Variants in FBXL7 observed in about 807,000 individuals in gnomAD.
FBXL7 encodes the protein F-box and leucine rich repeat protein 7.
In FBXL7, 12 loss-of-function variants were observed where a neutral mutation model predicts 38.3. That is an observed-to-expected ratio of 0.31 (90% CI 0.20 to 0.51). The LOEUF (loss-of-function observed/expected upper bound fraction) is 0.51, where lower values mean the gene tolerates loss of function less well. FBXL7 is among the 20% of genes least tolerant of loss of function. FBXL7 has a pLI of 0.98. For missense variants in FBXL7, 567 were observed against 676.4 expected, an observed-to-expected ratio of 0.84 and a Z score of 1.79; for synonymous variants, 297 against 300.9, an observed-to-expected ratio of 0.99 and a Z score of 0.13.
At chr5:15,885,248 T>C (rs978738943) in intron 2 of FBXL7, among the ~76,000 whole-genome samples, 4 of 152,214 alleles carry the variant, frequency 2.6e-5, no homozygotes, top group African/African-American at 9.6e-5. Context: ...TTTCACCATG[T>C]ATGCCTCTCC....
chr5:15,695,938 G>A (rs377261720), intron 2 of FBXL7, among the ~76,000 whole-genome samples: 32 of 152,246 alleles, frequency 2.1e-4, no homozygotes, highest in East Asian at 3.9e-4. Flanking sequence ...CCAGGTGTAC[G>A]TTCCTCCTTT....
At chr5:15,626,947 A>G (rs1034428010) in intron 2 of FBXL7, among the ~76,000 whole-genome samples, 1 of 152,194 alleles carries the variant, frequency 6.6e-6, no homozygotes, top group Non-Finnish European at 1.5e-5. Context: ...AGAGCTCACA[A>G]TATGTCAGTC....
At chr5:15,810,987 T>C (rs1311457893) in intron 2 of FBXL7, among the ~76,000 whole-genome samples, 1 of 152,188 alleles carries the variant, frequency 6.6e-6, no homozygotes, top group Non-Finnish European at 1.5e-5. Flanking sequence ...AACACACAAA[T>C]TGATGCTTGA....
In FBXL7 at chr5:15,522,651, T is replaced by C. The variant is rs16903900; in HGVS notation, c.37+21938T>C. ...CTGATTGCTGCTGGCTGTGTTGCAT[T>C]GATCTCTTCAACAAAAGCAATCTGC... On this transcript the variant is annotated intron_variant, in intron 1 of 3. Transcript: ENST00000504595. Among the ~76,000 whole-genome samples the C allele has an allele frequency of 6.2e-3, 943 of 152,320 alleles. 13 individuals carry two copies. The highest frequency in any genetic ancestry group is 0.021 in the African/African-American group (890 of 41,556).
chr5:15,608,234 T>G (rs1740096131), intron 1 of FBXL7, among the ~76,000 whole-genome samples: 1 of 152,230 alleles, frequency 6.6e-6, no homozygotes, highest in Admixed American at 6.5e-5. Flanking sequence ...GGTCATGGTT[T>G]CATGCTTTAC....
intron 2 of FBXL7, among the ~76,000 whole-genome samples, chr5:15,869,969 A>C (rs1739882239): frequency 6.6e-6 from 1 of 152,050 alleles, no homozygotes; most frequent in Non-Finnish European, 1.5e-5. Flanking sequence ...AATTAGCTGG[A>C]TGTGGTGGCA....
At chr5:15,637,546 A>G (rs868338299) in intron 2 of FBXL7, among the ~76,000 whole-genome samples, 2 of 152,372 alleles carry the variant, frequency 1.3e-5, no homozygotes, top group Middle Eastern at 3.4e-3. Context: ...TTCAATGGTA[A>G]GAGCACATGG....
At chr5:15,930,072 G>T (rs769801777) in intron 3 of FBXL7, among the ~76,000 whole-genome samples, 12 of 152,140 alleles carry the variant, frequency 7.9e-5, no homozygotes, top group Non-Finnish European at 1.3e-4. Context: ...ATTCTTTCCC[G>T]TGCTGGAGAG....
chr5:15,535,888 C>T (rs1737570270), intron 1 of FBXL7, among the ~76,000 whole-genome samples: 1 of 152,252 alleles, frequency 6.6e-6, no homozygotes, highest in Admixed American at 6.5e-5. Context: ...GAAAATGTCT[C>T]CAGGGCATTT....
At chr5:15,623,739 A>G (rs887025497) in intron 2 of FBXL7, among the ~76,000 whole-genome samples, 3 of 152,218 alleles carry the variant, frequency 2.0e-5, no homozygotes, top group African/African-American at 7.2e-5. Context: ...TCAAAACTCT[A>G]CAACAATTCA....
intron 2 of FBXL7, among the ~76,000 whole-genome samples, chr5:15,629,919 T>TA (rs1009746906): frequency 3.0e-4 from 45 of 152,204 alleles, no homozygotes; most frequent in African/African-American, 1.0e-3. Context: ...TTACTTTTTT[T>TA]AAAAAAAGCT....
chr5:15,605,052 A>G (rs1739958840), intron 1 of FBXL7, among the ~76,000 whole-genome samples: 1 of 152,134 alleles, frequency 6.6e-6, no homozygotes, highest in African/African-American at 2.4e-5. Flanking sequence ...CTGCTCAGAG[A>G]TAACACTATA....
chr5:15,565,199 A>T (rs1738531838), intron 1 of FBXL7, among the ~76,000 whole-genome samples: 1 of 152,130 alleles, frequency 6.6e-6, no homozygotes, highest in Non-Finnish European at 1.5e-5. Context: ...CTTGTGCTTA[A>T]AAAAAGTTTG....
intron 2 of FBXL7, among the ~76,000 whole-genome samples, chr5:15,870,833 C>A (rs1012206473): frequency 6.6e-6 from 1 of 152,132 alleles, no homozygotes; most frequent in African/African-American, 2.4e-5. Context: ...AGATAAAACT[C>A]CCATCTCACT....
chr5:15,744,446 T>C (rs1735964236), intron 2 of FBXL7, among the ~76,000 whole-genome samples: 1 of 152,160 alleles, frequency 6.6e-6, no homozygotes, highest in African/African-American at 2.4e-5. Context: ...CTGGACTTCA[T>C]TGTCCATATT....
In FBXL7 at chr5:15,507,858, C is replaced by T. The variant is rs752432236; in HGVS notation, c.37+7145C>T. 5.3e-5 allele frequency among the ~76,000 whole-genome samples: 8 copies of T among 151,958 alleles called. No individual in the cohort carries two copies. In the South Asian group the frequency reaches 6.2e-4, roughly 12 times the overall value. Reference sequence around the variant, plus strand: ...AGGAGTTCGAGACCAGCATGGCCAACGTGGTGAAACCCGGTGTCTACTAAA... The same window carrying T: ...AGGAGTTCGAGACCAGCATGGCCAATGTGGTGAAACCCGGTGTCTACTAAA... On this transcript the variant is annotated intron_variant, in intron 1 of 3. Transcript: ENST00000504595.
intron 2 of FBXL7, 82 bp from the exon 3 acceptor site, chr5:15,927,807 AG>A: frequency 9.4e-7 from 1 of 1,063,710 alleles, no homozygotes; most frequent in Non-Finnish European, 1.3e-6. Context: ...AGAAAAGAAA[AG>A]AAAGAAACCA....
rs539546490 is a variant in FBXL7, at chr5:15,752,667, C to T, written c.127+136595C>T. The stretch of plus-strand genomic sequence containing the variant: ...ATGCATCTTGATATGCAATAAAGGA[C>T]TTTGCAGACTTCTCATTGAATCAGC... On this transcript the variant is annotated intron_variant, in intron 2 of 3. Transcript: ENST00000504595. Among the ~76,000 whole-genome samples the T allele has an allele frequency of 3.1e-3, 471 of 152,276 alleles. 1 individual carries two copies. The highest frequency in any genetic ancestry group is 0.017 in the Middle Eastern group (5 of 294).
chr5:15,785,355 T>C (rs1006206214), intron 2 of FBXL7, among the ~76,000 whole-genome samples: 1 of 152,136 alleles, frequency 6.6e-6, no homozygotes, highest in African/African-American at 2.4e-5. Flanking sequence ...CATTCACGTG[T>C]GCACACCTAC....
Sources: allele counts gnomAD v4.1 joint callset (sites outside exome capture counted in the v4.1 genomes callset), GRCh38; gene constraint gnomAD v4.1.1; transcripts MANE v1.5; gene names NCBI Gene and HGNC (gene_info 2026-07-23, HGNC 2026-07-21).